The following PRAG1 variants were observed in gnomAD, a reference collection of about 807,000 sequenced individuals.
PRAG1 encodes the protein PEAK1 related, kinase-activating pseudokinase 1.
Under a neutral mutation model 95.6 loss-of-function variants are expected in PRAG1, and 110 were observed. That is an observed-to-expected ratio of 1.15 (90% CI 0.99 to 1.35). The LOEUF (loss-of-function observed/expected upper bound fraction) is 1.35. Ranked by LOEUF, PRAG1 falls within the 40% of genes most tolerant of loss-of-function variation. The pLI is 0.00. For missense variants in PRAG1, 2,554 were observed against 1,864.7 expected (o/e 1.37, Z -6.81); for synonymous variants, 1,052 against 819.4 (o/e 1.28, Z -4.85).
chr8:8,372,785 A>G (rs556992580), intron 3 of PRAG1, among the ~76,000 whole-genome samples: 2 of 152,182 alleles, frequency 1.3e-5, no homozygotes, highest in Middle Eastern at 3.4e-3. Context: ...CTTAACATCT[A>G]TTTTTTTCCC....
chr8:8,366,739 T>C (rs1800020863), intron 3 of PRAG1, among the ~76,000 whole-genome samples: 1 of 152,052 alleles, frequency 6.6e-6, no homozygotes, highest in Non-Finnish European at 1.5e-5. Context: ...AGTGCAGTGG[T>C]GTTACCATGG....
At chr8:8,346,676 T>G (rs538142266) in intron 3 of PRAG1, among the ~76,000 whole-genome samples, 1 of 152,236 alleles carries the variant, frequency 6.6e-6, no homozygotes, top group African/African-American at 2.4e-5. Context: ...GCTTTCAGAA[T>G]GCCCACAATC....
chr8:8,374,832 G>T, intron 3 of PRAG1: 1 of 293,248 alleles, frequency 3.4e-6, no homozygotes, highest in Non-Finnish European at 5.1e-6. Flanking sequence ...ACGCCGTGAT[G>T]TTCAAAGTCA....
intron 3 of PRAG1, chr8:8,374,686 C>G: frequency 3.0e-6 from 3 of 985,398 alleles, no homozygotes; most frequent in East Asian, 1.1e-4. Context: ...GGGGACTACA[C>G]GCGGCTGCCA....
chr8:8,342,751 G>A (rs571601446), intron 3 of PRAG1, among the ~76,000 whole-genome samples: 4 of 152,186 alleles, frequency 2.6e-5, no homozygotes, highest in East Asian at 1.9e-4. Context: ...ATCTCATACC[G>A]TGTAGAAACA....
At chr8:8,384,645 T>G (rs992905777) in intron 1 of PRAG1, among the ~76,000 whole-genome samples, 2 of 148,980 alleles carry the variant, frequency 1.3e-5, no homozygotes, top group Non-Finnish European at 3.0e-5. Context: ...TCTTTTCCCG[T>G]TGCACTTCTG....
At chr8:8,373,905 T>C (rs2116925568) in intron 3 of PRAG1, among the ~76,000 whole-genome samples, 1 of 152,334 alleles carries the variant, frequency 6.6e-6, no homozygotes, top group East Asian at 1.9e-4. Flanking sequence ...TCAACCCAGA[T>C]GCTAATTAAA....
At chr8:8,384,776 G>A (rs1011449897) in intron 1 of PRAG1, among the ~76,000 whole-genome samples, 1 of 152,220 alleles carries the variant, frequency 6.6e-6, no homozygotes, top group African/African-American at 2.4e-5. Context: ...GCATGGGGAA[G>A]GCACTTCGCA....
In PRAG1 at chr8:8,377,314, G is replaced by C. The variant is rs768456374; in HGVS notation, c.1095C>G (p.Tyr365Ter). 6.2e-7 allele frequency: 1 copy of C among 1,612,368 alleles called. No homozygotes were observed. The highest frequency in any genetic ancestry group is 2.2e-5 in the East Asian group (1 of 44,870). Residue 365 changes from tyrosine to a stop codon, truncating the protein, a stop_gained, in exon 3 of 6, where the codon TAC becomes TAG. Coordinates refer to ENST00000615670, the MANE Select transcript of PRAG1 (RefSeq NM_001080826.3). LOFTEE classifies it high-confidence loss of function. Reference sequence around the variant, plus strand: ...GGGCAGGTTCCTTCATGAGGGAGCAGTAATCACTCTCGAGGTGGGGGACGA... The same window carrying C: ...GGGCAGGTTCCTTCATGAGGGAGCACTAATCACTCTCGAGGTGGGGGACGA... ...SPFVPHLESDYCSLMKEPAPE... is the reference protein window; with the variant it reads ...SPFVPHLESD
At chr8:8,322,854 A>C (rs1306815339) in intron 5 of PRAG1, among the ~76,000 whole-genome samples, 1 of 152,192 alleles carries the variant, frequency 6.6e-6, no homozygotes, top group Non-Finnish European at 1.5e-5. Flanking sequence ...TTCAATGTAC[A>C]TCATACATGT....
Position 8,318,881 on chromosome 8 carries a change from GCGGGCC to G in PRAG1, c.3488_3493del (p.Gly1163_Pro1164del), listed in dbSNP as rs775753605. On this transcript the variant is annotated inframe_deletion, in exon 6 of 6. Transcript: ENST00000615670. The surrounding 1 kb of genome is among the most constrained non-coding windows in gnomAD (Gnocchi z 4.2). ...GGCGGGAGCCGGGGCGGGGGCGGGG[GCGGGCC>G]CGGGGCCGGCCTGGAGGGTGCAGTG... The G allele has an allele frequency of 8.8e-6, 11 of 1,256,552 alleles. No individual in the cohort carries two copies. Among genetic ancestry groups the G allele is most frequent in the East Asian group, 5.9e-5 (2 of 33,850 alleles). 77.8% of individuals were successfully genotyped at this position (1,256,552 alleles called of 1,614,324 possible).
intron 3 of PRAG1, among the ~76,000 whole-genome samples, chr8:8,370,104 T>C (rs374878089): frequency 3.3e-4 from 50 of 152,356 alleles, no homozygotes; most frequent in African/African-American, 1.2e-3. Flanking sequence ...ATGCTCAAAA[T>C]TAGACAGAAA....
chr8:8,336,377 C>A (rs1215440269), intron 4 of PRAG1, among the ~76,000 whole-genome samples: 1 of 152,180 alleles, frequency 6.6e-6, no homozygotes, highest in African/African-American at 2.4e-5. Context: ...CCATTCCCTG[C>A]AAAAACCTTC....
Position 8,328,324 on chromosome 8 carries a change from T to C in PRAG1, c.2458A>G (p.Ile820Val). ...QQPPPLPQKK[I>V]VSRAASSPDG... ...GGTGAAGAGGCTGCCCGGCTCACTA[T>C]CTTTTTCTGGGGGAGTGGAGGGGGC... The change falls in exon 5 of 6, where the codon ATA becomes GTA. Residue 820 changes from isoleucine to valine, a missense_variant. By Grantham distance (29) the Ile-to-Val change is conservative. Transcript: ENST00000615670. 1.9e-6 allele frequency: 3 copies of C among 1,613,544 alleles called. No homozygotes were observed. The highest frequency in any genetic ancestry group is 2.5e-6 in the Non-Finnish European group (3 of 1,179,822).
intron 3 of PRAG1, among the ~76,000 whole-genome samples, chr8:8,343,685 T>C (rs1799243488): frequency 6.6e-6 from 1 of 152,186 alleles, no homozygotes; most frequent in Non-Finnish European, 1.5e-5. Context: ...TGGTAAATAT[T>C]TTAGGCTCGT....
intron 3 of PRAG1, among the ~76,000 whole-genome samples, chr8:8,354,477 C>A (rs1210110661): frequency 1.3e-5 from 2 of 151,750 alleles, no homozygotes; most frequent in South Asian, 4.2e-4. Context: ...AAAGATACCA[C>A]AAGAAAAGAA....
intron 3 of PRAG1, among the ~76,000 whole-genome samples, chr8:8,368,588 C>G (rs1384519273): frequency 6.6e-6 from 1 of 152,104 alleles, no homozygotes; most frequent in African/African-American, 2.4e-5. Context: ...AATCCCAAAA[C>G]AACAACAAAA....
chr8:8,374,777 T>C (rs1388203333), intron 3 of PRAG1: 2 of 896,370 alleles, frequency 2.2e-6, no homozygotes, highest in Non-Finnish European at 2.7e-6. Flanking sequence ...AACAAAGTAG[T>C]GGTCATGAGA....
rs1245978109 is a variant in PRAG1 at position 8,318,704 on chromosome 8, G to A, written c.3671C>T (p.Pro1224Leu). The A allele has an allele frequency of 3.7e-6, 6 of 1,610,042 alleles. No individual in the cohort carries two copies. The highest frequency in any genetic ancestry group is 1.7e-6 in the Non-Finnish European group (2 of 1,179,204). The change falls in exon 6 of 6, where the codon CCG becomes CTG. Residue 1224 changes from proline (P) to leucine (L), a missense_variant. By Grantham distance (98) the Pro-to-Leu change is moderately conservative. Coordinates refer to ENST00000615670, the MANE Select transcript of PRAG1 (RefSeq NM_001080826.3). This position sits in a 1 kb window ranked among gnomAD's most constrained non-coding sequence, Gnocchi z 4.2. ...ISNFLKAKQK[P>L]GGTPNLQQKK... ...CTGCTGCAGGTTTGGGGTGCCGCCC[G>A]GCTTCTGCTTGGCCTTCAAAAAGTT...
Sources: allele counts gnomAD v4.1 joint callset (sites outside exome capture counted in the v4.1 genomes callset), GRCh38; gene constraint gnomAD v4.1.1; non-coding constraint Gnocchi (gnomAD v3.1); transcripts MANE v1.5; gene names NCBI Gene and HGNC (gene_info 2026-07-23, HGNC 2026-07-21).